TMEM69: variants seen among roughly 807,000 people sequenced by gnomAD.
TMEM69 encodes the protein transmembrane protein 69.
TMEM69 carries 17 observed loss-of-function variants against 15.8 expected under a neutral mutation model. The observed-to-expected ratio is 1.07, with a 90% CI of 0.73 to 1.61. The LOEUF (loss-of-function observed/expected upper bound fraction) is 1.61. Ranked by LOEUF, TMEM69 falls within the 40% of genes most tolerant of loss-of-function variation. TMEM69 has a pLI of 0.00. For synonymous variants in TMEM69, 80 were observed against 98.6 expected (o/e 0.81, Z 1.12); for missense variants, 230 against 286.1 (o/e 0.80, Z 1.41).
intron 1 of TMEM69, 87 bp downstream of exon 1, chr1:45,688,362 GAGAC>G (rs1645316660): frequency 6.6e-6 from 1 of 152,128 alleles, no homozygotes; most frequent in Non-Finnish European, 1.5e-5. Flanking sequence ...TAGTAAATTG[GAGAC>G]GCGGGCACTC....
intron 1 of TMEM69, among the ~76,000 whole-genome samples, chr1:45,690,228 G>A (rs573794724): frequency 3.3e-5 from 5 of 152,076 alleles, no homozygotes; most frequent in Non-Finnish European, 5.9e-5. Flanking sequence ...CTCACCGGGC[G>A]CGGTGGCTCA....
Position 45,693,257 on chromosome 1 carries a change from T to C in TMEM69, c.96T>C (p.Leu32=). 1.2e-6 allele frequency: 2 copies of C among 1,614,170 alleles called. No homozygotes were observed. The highest frequency in any genetic ancestry group is 2.2e-5 in the South Asian group (2 of 91,064). The part of the protein sequence containing the change: ...VGLRTSRTDI[L]SLKMSLQQNF... ...TAAGAACCAGCAGAACAGATATACT[T>C]TCTCTCAAGATGTCTCTCCAGCAAA... is the stretch of plus-strand genomic sequence containing the variant. Residue 32 remains leucine (L), a synonymous_variant, in exon 3 of 3, where the codon CTT becomes CTC. Coordinates refer to ENST00000372025, the MANE Select transcript of TMEM69 (RefSeq NM_016486.4).
At position 45,693,540 on chromosome 1, in the gene TMEM69, T is replaced by A; in HGVS notation, c.379T>A (p.Phe127Ile). 6.2e-7 allele frequency: 1 copy of A among 1,614,220 alleles called. No homozygotes were observed. The highest frequency in any genetic ancestry group is 1.3e-5 in the African/African-American group (1 of 75,060). ...MTKTYIPILA[F>I]TQMAYGASFL... ...AAAAACTTATATTCCCATATTAGCT[T>A]TTACTCAGATGGCTTATGGAGCCAG... is the stretch of plus-strand genomic sequence containing the variant. Residue 127 changes from phenylalanine to isoleucine, a missense_variant, in exon 3 of 3, where the codon TTT (phenylalanine) becomes ATT (isoleucine). Phe to Ile is a conservative substitution (Grantham distance 21). Coordinates refer to ENST00000372025, the MANE Select transcript of TMEM69 (RefSeq NM_016486.4).
chr1:45,690,913 A>C, intron 1 of TMEM69, 61 bp from the exon 2 acceptor site: 1 of 709,178 alleles, frequency 1.4e-6, no homozygotes, highest in Non-Finnish European at 2.5e-6. Flanking sequence ...ATGAATTACT[A>C]CTATTTAAAA....
chr1:45,689,687 A>C (rs182589516), intron 1 of TMEM69, among the ~76,000 whole-genome samples: 1 of 152,126 alleles, frequency 6.6e-6, no homozygotes, highest in Non-Finnish European at 1.5e-5. Flanking sequence ...AAATACAAAA[A>C]ATGAGCTGGG....
intron 2 of TMEM69, 41 bp downstream of exon 2, chr1:45,691,151 T>G (rs769960536): frequency 1.9e-6 from 3 of 1,590,996 alleles, no homozygotes; most frequent in African/African-American, 2.7e-5. Flanking sequence ...ATTTGCCAAA[T>G]ATTGCTTGGG....
intron 2 of TMEM69, among the ~76,000 whole-genome samples, chr1:45,692,784 AT>A (rs1645353279): frequency 6.6e-6 from 1 of 152,208 alleles, no homozygotes; most frequent in Admixed American, 6.5e-5. Flanking sequence ...TGGAAGGTAG[AT>A]TTATTTTCTC....
intron 2 of TMEM69, among the ~76,000 whole-genome samples, chr1:45,691,556 T>C (rs1338695194): frequency 6.6e-6 from 1 of 150,482 alleles, no homozygotes; most frequent in African/African-American, 2.4e-5. Flanking sequence ...AAAAAAAAAA[T>C]TGGCTAGGTG....
At chr1:45,689,361 G>A (rs1645327758) in intron 1 of TMEM69, among the ~76,000 whole-genome samples, 1 of 152,120 alleles carries the variant, frequency 6.6e-6, no homozygotes. Context: ...TCCCTCCTGT[G>A]TAAAGTGCTT....
At chr1:45,692,115 C>T (rs1000658036) in intron 2 of TMEM69, among the ~76,000 whole-genome samples, 1 of 152,060 alleles carries the variant, frequency 6.6e-6, no homozygotes, top group Non-Finnish European at 1.5e-5. Context: ...CCACTGCACT[C>T]CAGCCTGGGT....
intron 2 of TMEM69, among the ~76,000 whole-genome samples, chr1:45,692,197 A>C (rs558352309): frequency 5.9e-5 from 9 of 152,304 alleles, no homozygotes; most frequent in Admixed American, 1.3e-4. Flanking sequence ...GCTGTGGAGA[A>C]CTATAAAGCA....
Position 45,690,990 on chromosome 1 carries a change from C to T in TMEM69, c.-79C>T, listed in dbSNP as rs895922862. Reference sequence around the variant, plus strand: ...TATACACAGAAACATGCCCCTGATTCAGTGCCTCTGCTTAGCTGTAACATG... The same window carrying T: ...TATACACAGAAACATGCCCCTGATTTAGTGCCTCTGCTTAGCTGTAACATG... On this transcript the variant is annotated 5_prime_UTR_variant, in exon 2 of 3. It introduces an in-frame stop codon into an upstream open reading frame of the 5' UTR. Transcript: ENST00000372025. 1 of 1,512,920 alleles carries T rather than the reference C, an allele frequency of 6.6e-7. No individual in the cohort carries two copies. The highest frequency in any genetic ancestry group is 1.4e-5 in the African/African-American group (1 of 72,750). 93.7% of individuals were successfully genotyped at this position (1,512,920 alleles called of 1,614,324 possible).
Position 45,693,565 on chromosome 1 carries a change from G to C in TMEM69, c.404G>C (p.Ser135Thr). The C allele has an allele frequency of 6.2e-7, 1 of 1,614,218 alleles. No individual in the cohort carries two copies. Among genetic ancestry groups the C allele is most frequent in the East Asian group, 2.2e-5 (1 of 44,892 alleles). Reference protein sequence around the residue: ...LAFTQMAYGASFLSFLGGIRW... With the variant: ...LAFTQMAYGATFLSFLGGIRW... ...TTTACTCAGATGGCTTATGGAGCCA[G>C]TTTCCTATCTTTCTTGGGTGGGATC... Residue 135 changes from serine (S) to threonine (T), a missense_variant, in exon 3 of 3, where the codon AGT becomes ACT. Physicochemically the swap from Ser to Thr is moderately conservative, Grantham distance 58. Coordinates refer to ENST00000372025, the MANE Select transcript of TMEM69 (RefSeq NM_016486.4).
rs1026606926 is a variant in TMEM69, at chr1:45,693,585, G to C, written c.424G>C (p.Gly142Arg). ...AGCCAGTTTCCTATCTTTCTTGGGT[G>C]GGATCAGATGGGGTTTTGCTCTACC... ...YGASFLSFLG[G>R]IRWGFALPEG... The change falls in exon 3 of 3, where the codon GGG becomes CGG. Residue 142 changes from glycine (G) to arginine (R), a missense_variant. Physicochemically the swap from Gly to Arg is moderately radical, Grantham distance 125. Coordinates refer to ENST00000372025, the MANE Select transcript of TMEM69 (RefSeq NM_016486.4). The C allele has an allele frequency of 1.1e-4, 176 of 1,614,044 alleles. No homozygotes were observed. The highest frequency in any genetic ancestry group is 1.5e-4 in the Non-Finnish European group (175 of 1,180,038).
chr1:45,693,594 T>G lies in TMEM69; in HGVS notation c.433T>G (p.Trp145Gly). 1 of 1,614,208 alleles carries G rather than the reference T, an allele frequency of 6.2e-7. No individual in the cohort carries two copies. The highest frequency in any genetic ancestry group is 8.5e-7 in the Non-Finnish European group (1 of 1,180,026). The change falls in exon 3 of 3, where the codon TGG (tryptophan) becomes GGG (glycine). Residue 145 changes from tryptophan (W) to glycine (G), a missense_variant. Physicochemically the swap from Trp to Gly is radical, Grantham distance 184. Coordinates refer to ENST00000372025, the MANE Select transcript of TMEM69 (RefSeq NM_016486.4). ...SFLSFLGGIR[W>G]GFALPEGSPA... ...CCTATCTTTCTTGGGTGGGATCAGA[T>G]GGGGTTTTGCTCTACCAGAAGGTAG...
chr1:45,691,639 T>C (rs923742710), intron 2 of TMEM69, among the ~76,000 whole-genome samples: 1 of 151,684 alleles, frequency 6.6e-6, no homozygotes, highest in African/African-American at 2.4e-5. Flanking sequence ...AGGAGTTCAG[T>C]ACCTGCCTGG....
intron 1 of TMEM69, among the ~76,000 whole-genome samples, chr1:45,690,633 T>C (rs936104510): frequency 1.3e-5 from 2 of 152,260 alleles, no homozygotes; most frequent in Non-Finnish European, 2.9e-5. Context: ...CAGTTTTGTT[T>C]TGGTTTTTTT....
intron 2 of TMEM69, 86 bp from the exon 3 acceptor site, chr1:45,693,118 C>T (rs1318607462): frequency 4.1e-6 from 4 of 967,856 alleles, no homozygotes; most frequent in East Asian, 2.5e-5. Flanking sequence ...CAAACAATCC[C>T]CATTATTTCA....
At chr1:45,690,353 T>C (rs1206841239) in intron 1 of TMEM69, among the ~76,000 whole-genome samples, 1 of 152,044 alleles carries the variant, frequency 6.6e-6, no homozygotes, top group Admixed American at 6.5e-5. Context: ...AATACAAAAA[T>C]TGGCCAGACA....
Sources: gnomAD v4.1 joint callset for allele counts (sites outside exome capture counted in the v4.1 genomes callset) on GRCh38, gnomAD v4.1.1 for gene constraint, MANE v1.5 for transcripts, NCBI Gene and HGNC (gene_info 2026-07-23, HGNC 2026-07-21) for gene names.